CNTN4: variants seen among roughly 807,000 people sequenced by gnomAD.
The protein encoded by CNTN4 is contactin-4.
A neutral mutation model predicts 122.5 loss-of-function variants in CNTN4; 77 were observed. The observed-to-expected ratio is 0.63, with a 90% CI of 0.52 to 0.76. The LOEUF (loss-of-function observed/expected upper bound fraction) is 0.76. Ranked by LOEUF, CNTN4 falls within the 30% of genes least tolerant of loss-of-function variation. The probability of loss-of-function intolerance (pLI) is 0.00; values close to 1 mark genes in which losing one functional copy is unlikely to be tolerated. For missense variants in CNTN4, 1,256 were observed against 1,259.1 expected (o/e 1.00, Z 0.04); for synonymous variants, 512 against 447.0 (o/e 1.15, Z -1.83).
intron 3 of CNTN4, among the ~76,000 whole-genome samples, chr3:2,352,119 G>A (rs546421413): frequency 7.0e-4 from 107 of 152,220 alleles, no homozygotes; most frequent in African/African-American, 2.3e-3. Context: ...GGTCTGGTGC[G>A]GTTGCTCATG....
At chr3:2,291,396 T>G (rs1039352029) in intron 2 of CNTN4, among the ~76,000 whole-genome samples, 7 of 152,178 alleles carry the variant, frequency 4.6e-5, no homozygotes, top group African/African-American at 1.4e-4. Context: ...AAATAAATTT[T>G]GACATGCAAT....
At chr3:2,808,103 G>A (rs1270828900) in intron 6 of CNTN4, among the ~76,000 whole-genome samples, 2 of 152,140 alleles carry the variant, frequency 1.3e-5, no homozygotes, top group Non-Finnish European at 2.9e-5. Flanking sequence ...AAAAGAAATT[G>A]AATGAAAAAG....
chr3:3,047,374 G>C (rs888251764), intron 23 of CNTN4, among the ~76,000 whole-genome samples: 8 of 152,202 alleles, frequency 5.3e-5, no homozygotes, highest in African/African-American at 1.9e-4. Context: ...CTCATAGGTG[G>C]AAGTAAAGCA....
intron 7 of CNTN4, among the ~76,000 whole-genome samples, chr3:2,836,008 A>G (rs1174192405): frequency 6.6e-6 from 1 of 152,162 alleles, no homozygotes; most frequent in Non-Finnish European, 1.5e-5. Flanking sequence ...CTAGAGAAAT[A>G]CAAATAGGCA....
At chr3:2,142,748 A>G (rs2035060446) in intron 2 of CNTN4, among the ~76,000 whole-genome samples, 1 of 152,200 alleles carries the variant, frequency 6.6e-6, no homozygotes, top group Non-Finnish European at 1.5e-5. Context: ...AATTAGGAGG[A>G]GAGGGGGCTG....
intron 4 of CNTN4, among the ~76,000 whole-genome samples, chr3:2,731,712 C>G (rs905486302): frequency 9.2e-5 from 14 of 152,226 alleles, no homozygotes; most frequent in African/African-American, 3.4e-4. Flanking sequence ...GACTCTCACC[C>G]TTTTGGGGAC....
chr3:2,459,255 A>G (rs1288311817), intron 3 of CNTN4, among the ~76,000 whole-genome samples: 3 of 152,166 alleles, frequency 2.0e-5, no homozygotes, highest in Non-Finnish European at 4.4e-5. Flanking sequence ...ATACTTTTCC[A>G]GCCTTTTTTC....
rs1267120271 is a variant in CNTN4, at chr3:2,954,005, A to T, written c.1358+28226A>T. ...TCTTAGGAATCACCTTTTGGTTTTC[A>T]TACTAAACAGGGAATGGAGTATTTC... On this transcript the variant is annotated intron_variant, in intron 13 of 24. Coordinates refer to ENST00000418658, the MANE Select transcript of CNTN4 (RefSeq NM_175607.3). 2.0e-5 allele frequency among the ~76,000 whole-genome samples: 3 copies of T among 152,248 alleles called. No individual in the cohort carries two copies. In the East Asian group the frequency reaches 5.8e-4, roughly 29 times the overall value.
At chr3:2,138,066 CTTT>C (rs374358543) in intron 2 of CNTN4, among the ~76,000 whole-genome samples, 4 of 136,004 alleles carry the variant, frequency 2.9e-5, no homozygotes, top group Non-Finnish European at 4.8e-5. Flanking sequence ...TCTTCTTCTT[CTTT>C]TTTTTTTTTT....
chr3:2,807,762 G>T (rs2092505468), intron 6 of CNTN4, among the ~76,000 whole-genome samples: 1 of 152,140 alleles, frequency 6.6e-6, no homozygotes. Flanking sequence ...CTGAAACTGA[G>T]TACAGAGTGA....
intron 4 of CNTN4, among the ~76,000 whole-genome samples, chr3:2,705,836 A>G (rs184482950): frequency 0.07 from 7,302 of 104,980 alleles, 452 homozygotes; most frequent in African/African-American, 0.17. Flanking sequence ...AAATATATAT[A>G]ATATATAATA....
At chr3:2,245,780 T>C (rs1212381689) in intron 2 of CNTN4, among the ~76,000 whole-genome samples, 1 of 152,088 alleles carries the variant, frequency 6.6e-6, no homozygotes, top group African/African-American at 2.4e-5. Context: ...AAAAATTATA[T>C]ACCTTTCAGC....
intron 13 of CNTN4, among the ~76,000 whole-genome samples, chr3:2,951,867 A>C (rs2094749221): frequency 6.6e-6 from 1 of 152,236 alleles, no homozygotes; most frequent in African/African-American, 2.4e-5. Context: ...CCAGGATTTT[A>C]ACCTTCAAAC....
chr3:2,571,798 C>T (rs1259023538), intron 4 of CNTN4, among the ~76,000 whole-genome samples: 1 of 152,068 alleles, frequency 6.6e-6, no homozygotes, highest in Non-Finnish European at 1.5e-5. Flanking sequence ...CTTTTAGAGT[C>T]GTTTGAGCCA....
chr3:2,769,446 C>T (rs916420345), intron 6 of CNTN4, among the ~76,000 whole-genome samples: 1 of 132,104 alleles, frequency 7.6e-6, no homozygotes, highest in Non-Finnish European at 1.6e-5. Context: ...GCCTGGGCAA[C>T]AGAGTGAGAC....
chr3:2,773,762 C>CTTTTTT (rs1234334638), intron 6 of CNTN4, among the ~76,000 whole-genome samples: 3,484 of 107,452 alleles, frequency 0.032, 358 homozygotes, highest in African/African-American at 0.053. Context: ...ATGTAGTAGA[C>CTTTTTT]TTTTTTTTTT....
rs778292476 is a variant in CNTN4, at chr3:3,043,061, A to G, written c.2596A>G (p.Asn866Asp). The change falls in exon 22 of 25, where the codon AAC (asparagine) becomes GAC (aspartate). Residue 866 changes from asparagine (N) to aspartate (D), a missense_variant. By Grantham distance (23) the Asn-to-Asp change is conservative (BLOSUM62 1). Coordinates refer to ENST00000418658, the MANE Select transcript of CNTN4 (RefSeq NM_175607.3). ...AAATCAGACATCAACAAAAATCACG[A>G]ACTTAAAAGGCAGTGTGCTGTATCA... ...VGNQTSTKIT[N>D]LKGSVLYHLA... The G allele has an allele frequency of 1.2e-6, 2 of 1,614,188 alleles. No individual in the cohort carries two copies. Among genetic ancestry groups the G allele is most frequent in the East Asian group, 4.5e-5 (2 of 44,886 alleles).
At chr3:2,113,972 C>G (rs1018446278) in intron 2 of CNTN4, among the ~76,000 whole-genome samples, 2 of 152,146 alleles carry the variant, frequency 1.3e-5, no homozygotes, top group African/African-American at 4.8e-5. Flanking sequence ...AGAGTTCTTG[C>G]ATATACATAT....
At chr3:2,362,514 G>A in intron 3 of CNTN4, 1 of 581,584 alleles carries the variant, frequency 1.7e-6, no homozygotes. Context: ...AGGCTCCTGT[G>A]CACTTTCTGG....
Sources: gnomAD v4.1 joint callset for allele counts (sites outside exome capture counted in the v4.1 genomes callset) on GRCh38, gnomAD v4.1.1 for gene constraint, MANE v1.5 for transcripts, NCBI Gene and HGNC (gene_info 2026-07-23, HGNC 2026-07-21) for gene names.